Variants in AHRR observed in about 807,000 individuals in gnomAD.
AHRR encodes the protein ahR repressor.
In AHRR, 28 loss-of-function variants were observed where a neutral mutation model predicts 44.0. The observed-to-expected ratio is 0.64, with a 90% CI of 0.47 to 0.87. The LOEUF (loss-of-function observed/expected upper bound fraction) is 0.87, where lower values mean the gene tolerates loss of function less well. Among genes scored for constraint, AHRR ranks in the 40% least tolerant of loss-of-function variants. The pLI, the probability that AHRR is intolerant of heterozygous loss-of-function variation, is 0.00. For synonymous variants in AHRR, 434 were observed against 407.0 expected (o/e 1.07, Z -0.80); for missense variants, 990 against 953.9 (o/e 1.04, Z -0.50).
chr5:431,308 A>G (rs1319766597), intron 8 of AHRR, among the ~76,000 whole-genome samples: 1 of 152,246 alleles, frequency 6.6e-6, no homozygotes, highest in South Asian at 2.1e-4. Flanking sequence ...GTGGAGCCCA[A>G]GGCACATAAA....
rs184279510 is a variant in AHRR, at chr5:413,718, G to A, written c.441+285G>A. The stretch of plus-strand genomic sequence containing the variant: ...TGGTCTCCTCTGGCTCAGGCACTCC[G>A]CTAGGTCCCCTGCCCCACCAGCACC... On this transcript the variant is annotated intron_variant, in intron 5 of 10. Coordinates refer to ENST00000684583, the MANE Select transcript of AHRR (RefSeq NM_001377236.1). Among the ~76,000 whole-genome samples, 312 of 152,278 alleles carry A rather than the reference G, an allele frequency of 2.0e-3. 1 individual carries two copies. Among genetic ancestry groups the A allele is most frequent in the Non-Finnish European group, 3.7e-3 (254 of 68,018 alleles).
In AHRR at chr5:411,853, A is replaced by G. The variant is rs1002748544; in HGVS notation, c.352-1491A>G. Among the ~76,000 whole-genome samples, 1 of 152,178 alleles carries G rather than the reference A, an allele frequency of 6.6e-6. No homozygotes were observed. Among genetic ancestry groups the G allele is most frequent in the Non-Finnish European group, 1.5e-5 (1 of 68,030 alleles). On this transcript the variant is annotated intron_variant, in intron 4 of 10. Coordinates refer to ENST00000684583, the MANE Select transcript of AHRR (RefSeq NM_001377236.1). This position sits in a 1 kb window ranked among gnomAD's most constrained non-coding sequence, Gnocchi z 4.2. Reference sequence around the variant, plus strand: ...CATTTATGAAAGCTGTGTCCAGGTGACTCAGCCCCCTCACCCCCAGCTTCT... The same window carrying G: ...CATTTATGAAAGCTGTGTCCAGGTGGCTCAGCCCCCTCACCCCCAGCTTCT...
At chr5:417,913 T>A (rs1425437124) in intron 5 of AHRR, among the ~76,000 whole-genome samples, 1 of 152,242 alleles carries the variant, frequency 6.6e-6, no homozygotes, top group Non-Finnish European at 1.5e-5. Context: ...AGTCACAGCA[T>A]GAGTGCATGA....
intron 1 of AHRR, among the ~76,000 whole-genome samples, chr5:333,715 T>C (rs1290098464): frequency 6.6e-6 from 1 of 151,494 alleles, no homozygotes; most frequent in Non-Finnish European, 1.5e-5. Flanking sequence ...ATAAGTTATT[T>C]GTTTCTTTCT....
intron 1 of AHRR, among the ~76,000 whole-genome samples, chr5:327,837 G>A (rs558633402): frequency 6.6e-6 from 1 of 152,130 alleles, no homozygotes; most frequent in East Asian, 1.9e-4. Flanking sequence ...ACAACGTGCA[G>A]GTTTGTTACA....
chr5:432,353 G>T, intron 8 of AHRR, 110 bp from the exon 9 acceptor site: 1 of 1,000,124 alleles, frequency 1.0e-6, no homozygotes, highest in Non-Finnish European at 1.6e-6. Flanking sequence ...CACTGCTCAG[G>T]TGTGACAGCA....
chr5:330,573 C>G (rs752246022), intron 1 of AHRR, among the ~76,000 whole-genome samples: 1 of 152,062 alleles, frequency 6.6e-6, no homozygotes, highest in Non-Finnish European at 1.5e-5. Context: ...AGCATTTTGC[C>G]GTGTTGGGCA....
chr5:371,529 A>G (rs1032576325), intron 3 of AHRR, among the ~76,000 whole-genome samples: 17 of 152,198 alleles, frequency 1.1e-4, no homozygotes, highest in African/African-American at 3.4e-4. Context: ...CAGGTGCAGC[A>G]GGGGCTGGCA....
intron 5 of AHRR, chr5:422,321 G>T: frequency 3.3e-6 from 1 of 299,724 alleles, no homozygotes; most frequent in South Asian, 2.9e-5. Flanking sequence ...GTGGGTGAAG[G>T]TTGAGGCCTG....
intron 5 of AHRR, among the ~76,000 whole-genome samples, chr5:414,614 C>T (rs186014950): frequency 6.6e-5 from 10 of 152,282 alleles, no homozygotes; most frequent in Non-Finnish European, 1.3e-4. Flanking sequence ...GTAAACAAAC[C>T]GTGCTTCCTG....
chr5:356,090 T>C (rs546783644), intron 3 of AHRR, among the ~76,000 whole-genome samples: 1 of 152,368 alleles, frequency 6.6e-6, no homozygotes, highest in Admixed American at 6.5e-5. Flanking sequence ...AGGGTGATGA[T>C]GGCCTGAGCA....
At position 337,810 on chromosome 5, in the gene AHRR, G is replaced by A. The variant is rs1454940237; in HGVS notation, c.-10-6083G>A. Among the ~76,000 whole-genome samples, 1 of 152,126 alleles carries A rather than the reference G, an allele frequency of 6.6e-6. No homozygotes were observed. Among genetic ancestry groups the A allele is most frequent in the African/African-American group, 2.4e-5 (1 of 41,412 alleles). Reference sequence around the variant, plus strand: ...AGGTGTAGGTTCCGTCCCCTGGAGGGCAGAGAAGTTTGCTGAGTTGCCCTG... The same window carrying A: ...AGGTGTAGGTTCCGTCCCCTGGAGGACAGAGAAGTTTGCTGAGTTGCCCTG... On this transcript the variant is annotated intron_variant, in intron 1 of 10. Coordinates refer to ENST00000684583, the MANE Select transcript of AHRR (RefSeq NM_001377236.1). This position sits in a 1 kb window ranked among gnomAD's most constrained non-coding sequence, Gnocchi z 4.1.
intron 5 of AHRR, among the ~76,000 whole-genome samples, chr5:417,188 T>C (rs759572257): frequency 1.7e-5 from 2 of 115,066 alleles, no homozygotes; most frequent in East Asian, 2.8e-4. Flanking sequence ...GCAGGGCCCA[T>C]GTCTAGAGAA....
In AHRR at chr5:406,411, A is replaced by T. The variant is rs896927880; in HGVS notation, c.352-6933A>T. Among the ~76,000 whole-genome samples, 1 of 152,194 alleles carries T rather than the reference A, an allele frequency of 6.6e-6. No homozygotes were observed. The highest frequency in any genetic ancestry group is 2.4e-5 in the African/African-American group (1 of 41,448). ...CCATGTGGGAGGCTGGGAGGCAAAC[A>T]TTTTTGTGTGAGCTAGCTACTCTGA... On this transcript the variant is annotated intron_variant, in intron 4 of 10. Transcript: ENST00000684583. The surrounding 1 kb of genome is among the most constrained non-coding windows in gnomAD (Gnocchi z 4.7).
Position 435,273 on chromosome 5 carries a change from C to T in AHRR, c.*439C>T, listed in dbSNP as rs140217083. 2.0e-3 allele frequency: 385 copies of T among 191,846 alleles called. No homozygotes were observed. The highest frequency in any genetic ancestry group is 4.4e-3 in the Middle Eastern group (2 of 456). 11.9% of individuals were successfully genotyped at this position (191,846 alleles called of 1,614,324 possible). ...AGTCCGCAGTCGGGGATGAAGCGGTCGGGTGACACACCTAGCTCAGCCCTC... is the reference window on the plus strand; with the variant it reads ...AGTCCGCAGTCGGGGATGAAGCGGTTGGGTGACACACCTAGCTCAGCCCTC... On this transcript the variant is annotated 3_prime_UTR_variant, in exon 11 of 11. Transcript: ENST00000684583.
intron 4 of AHRR, among the ~76,000 whole-genome samples, chr5:386,205 T>C (rs537916588): frequency 6.6e-6 from 1 of 152,354 alleles, no homozygotes; most frequent in South Asian, 2.1e-4. Context: ...ATTTCGGAGT[T>C]TATTCTCTGT....
Position 404,107 on chromosome 5 carries a change from C to G in AHRR, c.352-9237C>G. The G allele has an allele frequency of 1.7e-6, 1 of 593,380 alleles. No homozygotes were observed. The highest frequency in any genetic ancestry group is 3.2e-6 in the Non-Finnish European group (1 of 312,328). The allele number at this position is 593,380 out of a possible 1,614,324, so 36.8% of individuals were successfully genotyped here. A position where few individuals can be genotyped will look rare whatever the true frequency, so the allele number is the denominator to read the frequency against. The stretch of plus-strand genomic sequence containing the variant: ...AGTCAGTTCCGTTGTCAGGGTTGGT[C>G]CAGGTTTGGGGTTACCCTTCTCCGT... On this transcript the variant is annotated intron_variant, in intron 4 of 10. Coordinates refer to ENST00000684583, the MANE Select transcript of AHRR (RefSeq NM_001377236.1). The surrounding 1 kb of genome is among the most constrained non-coding windows in gnomAD (Gnocchi z 4.1).
chr5:403,439 C>T (rs926124232), intron 4 of AHRR, among the ~76,000 whole-genome samples: 1 of 152,052 alleles, frequency 6.6e-6, no homozygotes, highest in Non-Finnish European at 1.5e-5. Flanking sequence ...AGTTCGAGAC[C>T]AGCCTGGCCA....
At chr5:331,040 C>T (rs1741893290) in intron 1 of AHRR, among the ~76,000 whole-genome samples, 1 of 151,766 alleles carries the variant, frequency 6.6e-6, no homozygotes, top group Non-Finnish European at 1.5e-5. Flanking sequence ...CCATGCCCAG[C>T]TAATTTTTGT....
Sources: allele counts gnomAD v4.1 joint callset (sites outside exome capture counted in the v4.1 genomes callset), GRCh38; gene constraint gnomAD v4.1.1; non-coding constraint Gnocchi (gnomAD v3.1); transcripts MANE v1.5; gene names NCBI Gene and HGNC (gene_info 2026-07-23, HGNC 2026-07-21).